Variants in COL27A1 observed in about 807,000 individuals in gnomAD.
COL27A1 encodes the protein collagen alpha-1(XXVII) chain.
COL27A1 carries 106 observed loss-of-function variants against 251.3 expected under a neutral mutation model. The ratio of observed to expected loss-of-function variants is 0.42; its 90% CI spans 0.36 to 0.50. COL27A1 has a LOEUF of 0.50. COL27A1 is among the 20% of genes least tolerant of loss of function. The probability of loss-of-function intolerance (pLI) is 0.00; values close to 1 mark genes in which losing one functional copy is unlikely to be tolerated. For missense variants in COL27A1, 2,325 were observed against 2,522.8 expected, an observed-to-expected ratio of 0.92 and a Z score of 1.68; for synonymous variants, 1,000 against 986.3, an observed-to-expected ratio of 1.01 and a Z score of -0.26.
chr9:114,275,510 C>A, intron 36 of COL27A1, 151 bp from the exon 37 acceptor site: 1 of 580,340 alleles, frequency 1.7e-6, no homozygotes, highest in East Asian at 3.0e-5. Flanking sequence ...TCACAGCACC[C>A]TGCCTTTTTG....
intron 23 of COL27A1, among the ~76,000 whole-genome samples, chr9:114,245,148 GTTTTTTTT>G (rs779029948): frequency 3.1e-4 from 31 of 101,300 alleles, no homozygotes; most frequent in African/African-American, 1.1e-3. Context: ...GTGCATTCTT[GTTTTTTTT>G]TTTTTTTTTT....
rs750381925 is a variant in COL27A1 at position 114,168,374 on chromosome 9, C to A, written c.819C>A (p.Thr273=). 6.2e-7 allele frequency: 1 copy of A among 1,613,458 alleles called. No homozygotes were observed. The highest frequency in any genetic ancestry group is 1.1e-5 in the South Asian group (1 of 91,082). The change falls in exon 3 of 61, where the codon ACC becomes ACA. Residue 273 remains threonine (T), a synonymous_variant. Coordinates refer to ENST00000356083, the MANE Select transcript of COL27A1 (RefSeq NM_032888.4). ...CCCTGCTAGGCCTGGAGAACTTGAC[C>A]ACTGCCACACCAGCCCTGGGGTCAC... ...DLALLGLENL[T]TATPALGSLP...
intron 6 of COL27A1, 128 bp from the exon 7 acceptor site, chr9:114,195,831 C>G: frequency 1.3e-6 from 1 of 788,394 alleles, no homozygotes; most frequent in Non-Finnish European, 2.2e-6. Context: ...CCTCTGAGGC[C>G]TCTACTTCTC....
chr9:114,191,219 C>T (rs1011748018), intron 5 of COL27A1, among the ~76,000 whole-genome samples: 1 of 152,156 alleles, frequency 6.6e-6, no homozygotes, highest in African/African-American at 2.4e-5. Context: ...GGCTCTGGAA[C>T]CAGACTGCAA....
chr9:114,166,145 A>G (rs1297929344), intron 2 of COL27A1, among the ~76,000 whole-genome samples: 2 of 150,812 alleles, frequency 1.3e-5, no homozygotes, highest in Non-Finnish European at 2.9e-5. Context: ...TTATCCATCC[A>G]TCCGTCCATC....
intron 12 of COL27A1, among the ~76,000 whole-genome samples, chr9:114,211,273 A>G (rs949505713): frequency 6.6e-6 from 1 of 152,214 alleles, no homozygotes; most frequent in African/African-American, 2.4e-5. Flanking sequence ...CCCTGTGGGC[A>G]TCAGTGGCTC....
intron 27 of COL27A1, among the ~76,000 whole-genome samples, chr9:114,256,141 C>A (rs1479207354): frequency 6.6e-6 from 1 of 152,234 alleles, no homozygotes; most frequent in East Asian, 1.9e-4. Flanking sequence ...CATTTTCCCA[C>A]TTTATCAATC....
chr9:114,245,032 G>A (rs148047583), intron 23 of COL27A1, among the ~76,000 whole-genome samples: 1,912 of 152,160 alleles, frequency 0.013, 60 homozygotes, highest in African/African-American at 0.043. Flanking sequence ...CCAGCCACCC[G>A]TGAGCTGGTG....
intron 7 of COL27A1, among the ~76,000 whole-genome samples, chr9:114,203,167 G>T (rs1829692410): frequency 6.6e-6 from 1 of 152,116 alleles, no homozygotes; most frequent in Non-Finnish European, 1.5e-5. Flanking sequence ...TCCTTAATTA[G>T]AATGTAAACT....
rs1424196584 is a variant in COL27A1, at chr9:114,199,267, A to G, written c.2124+3255A>G. ...TACCTACAACTGGGAGGGAGGTGCTACTGGCTTCTAATGAGTAGAAGCCAG... is the reference window on the plus strand; with the variant it reads ...TACCTACAACTGGGAGGGAGGTGCTGCTGGCTTCTAATGAGTAGAAGCCAG... On this transcript the variant is annotated intron_variant, in intron 7 of 60. Coordinates refer to ENST00000356083, the MANE Select transcript of COL27A1 (RefSeq NM_032888.4). 2.0e-5 allele frequency among the ~76,000 whole-genome samples: 3 copies of G among 152,118 alleles called. No homozygotes were observed. In the East Asian group the frequency reaches 5.8e-4, roughly 29 times the overall value.
chr9:114,227,179 G>A (rs1414461376), intron 14 of COL27A1, among the ~76,000 whole-genome samples: 2 of 152,156 alleles, frequency 1.3e-5, no homozygotes, highest in South Asian at 2.1e-4. Flanking sequence ...GGCACCAGCC[G>A]TTCCCCACAT....
chr9:114,300,948 G>A, intron 51 of COL27A1, 124 bp from the exon 52 acceptor site: 1 of 975,622 alleles, frequency 1.0e-6, no homozygotes, highest in Non-Finnish European at 1.5e-6. Flanking sequence ...TGCATGGCCT[G>A]GGCCCGCTTC....
chr9:114,228,824 C>G (rs894178745), intron 14 of COL27A1, among the ~76,000 whole-genome samples: 1 of 152,012 alleles, frequency 6.6e-6, no homozygotes, highest in Admixed American at 6.6e-5. Flanking sequence ...ATTTCTTTCT[C>G]TCTCTTTTTT....
intron 23 of COL27A1, among the ~76,000 whole-genome samples, chr9:114,244,331 C>T (rs564356795): frequency 1.3e-5 from 2 of 151,688 alleles, no homozygotes; most frequent in South Asian, 4.2e-4. Context: ...TTCTGTGGGC[C>T]TCTATATTTT....
At chr9:114,212,000 C>T (rs896778284) in intron 12 of COL27A1, among the ~76,000 whole-genome samples, 6 of 152,204 alleles carry the variant, frequency 3.9e-5, no homozygotes, top group Admixed American at 3.9e-4. Context: ...CGAGAGTGCT[C>T]AGAGGGGCCT....
At chr9:114,242,265 A>T (rs756045536) in intron 22 of COL27A1, 34 bp downstream of exon 22, 1 of 1,592,478 alleles carries the variant, frequency 6.3e-7, no homozygotes, top group Admixed American at 1.8e-5. Context: ...GGTGGCATTC[A>T]TGGGAGCTGA....
intron 5 of COL27A1, among the ~76,000 whole-genome samples, chr9:114,188,688 A>T (rs1032548717): frequency 6.6e-6 from 1 of 152,188 alleles, no homozygotes; most frequent in Non-Finnish European, 1.5e-5. Flanking sequence ...CACATGAGAG[A>T]CATATAAGTG....
At chr9:114,173,380 C>A (rs4978568) in intron 3 of COL27A1, among the ~76,000 whole-genome samples, 101,891 of 152,010 alleles carry the variant, frequency 0.67, 34,399 homozygotes, top group South Asian at 0.81. Flanking sequence ...TTGATCCTTA[C>A]GAAATGCAGG....
At chr9:114,268,471 G>A (rs1005456683) in intron 34 of COL27A1, among the ~76,000 whole-genome samples, 2 of 152,116 alleles carry the variant, frequency 1.3e-5, no homozygotes, top group African/African-American at 4.8e-5. Flanking sequence ...CATTTATTCC[G>A]GCTCATTTAG....
Sources: allele counts gnomAD v4.1 joint callset (sites outside exome capture counted in the v4.1 genomes callset), GRCh38; gene constraint gnomAD v4.1.1; transcripts MANE v1.5; gene names NCBI Gene and HGNC (gene_info 2026-07-23, HGNC 2026-07-21).